The following GNA12 variants were observed in gnomAD, a reference collection of about 807,000 sequenced individuals.
The protein encoded by GNA12 is guanine nucleotide-binding protein subunit alpha-12.
A neutral mutation model predicts 26.0 loss-of-function variants in GNA12; 9 were observed. The observed-to-expected ratio is 0.35, with a 90% confidence interval of 0.21 to 0.60. GNA12 has a LOEUF of 0.60. GNA12 is among the 20% of genes least tolerant of loss of function. The pLI is 0.78. For missense variants in GNA12, 405 were observed against 525.8 expected (o/e 0.77, Z 2.25); for synonymous variants, 264 against 219.6 (o/e 1.20, Z -1.79).
chr7:2,819,137 C>T (rs932127121), intron 1 of GNA12, among the ~76,000 whole-genome samples: 7 of 152,212 alleles, frequency 4.6e-5, no homozygotes, highest in East Asian at 1.9e-4. Flanking sequence ...GTGAGCCGCT[C>T]GCTGCTGGTT....
chr7:2,824,343 C>G (rs1308794082), intron 1 of GNA12, among the ~76,000 whole-genome samples: 1 of 152,220 alleles, frequency 6.6e-6, no homozygotes, highest in Non-Finnish European at 1.5e-5. Context: ...GCACCCGCCT[C>G]TGCCCATCCA....
At chr7:2,788,294 C>T (rs550019356) in intron 2 of GNA12, among the ~76,000 whole-genome samples, 1 of 152,346 alleles carries the variant, frequency 6.6e-6, no homozygotes. Flanking sequence ...TGTGAGTCCA[C>T]GCCGCACAGC....
chr7:2,824,543 G>A (rs1444630147), intron 1 of GNA12, among the ~76,000 whole-genome samples: 1 of 152,186 alleles, frequency 6.6e-6, no homozygotes, highest in African/African-American at 2.4e-5. Context: ...AGACGTGCCT[G>A]TTTACCCTGT....
chr7:2,736,372 C>G (rs377492660), intron 2 of GNA12, among the ~76,000 whole-genome samples: 1 of 152,094 alleles, frequency 6.6e-6, no homozygotes, highest in African/African-American at 2.4e-5. Flanking sequence ...CTTGGACTTG[C>G]GGATTAAATG....
In GNA12 at chr7:2,733,404, T is replaced by G. The variant is rs528925505; in HGVS notation, c.576+47A>C. On this transcript the variant is annotated intron_variant, in intron 3 of 3. Transcript: ENST00000275364. ...GGACTGCTTTGGTCTCTGGACACGT[T>G]TTCTAACCCTGGAGCCCAGCTTCTT... The G allele has an allele frequency of 1.7e-5, 24 of 1,445,060 alleles. No homozygotes were observed. The South Asian group carries it at 2.7e-4, about 16-fold the overall frequency. 89.5% of individuals were successfully genotyped at this position (1,445,060 alleles called of 1,614,324 possible).
At chr7:2,749,900 C>A (rs890582423) in intron 2 of GNA12, among the ~76,000 whole-genome samples, 1 of 152,116 alleles carries the variant, frequency 6.6e-6, no homozygotes, top group African/African-American at 2.4e-5. Context: ...GAGGTGCAGG[C>A]ATCTTTGGGG....
chr7:2,833,057 G>A (rs1045980588), intron 1 of GNA12, among the ~76,000 whole-genome samples: 2 of 152,170 alleles, frequency 1.3e-5, no homozygotes, highest in African/African-American at 4.8e-5. Flanking sequence ...CCCATCACAC[G>A]GTCAGCAACA....
intron 2 of GNA12, among the ~76,000 whole-genome samples, chr7:2,771,065 T>C (rs1407567625): frequency 6.6e-6 from 1 of 151,976 alleles, no homozygotes; most frequent in Non-Finnish European, 1.5e-5. Flanking sequence ...CTGAGGTGGG[T>C]GGATCACTTG....
intron 1 of GNA12, among the ~76,000 whole-genome samples, chr7:2,805,356 T>A (rs529547871): frequency 1.3e-5 from 2 of 152,352 alleles, no homozygotes; most frequent in South Asian, 4.1e-4. Flanking sequence ...AAGCGGAAGC[T>A]CAAAATCACA....
rs189088421 is a variant in GNA12 at position 2,791,726 on chromosome 7, A to G, written c.525+3202T>C. Among the ~76,000 whole-genome samples, 7 of 148,102 alleles carry G rather than the reference A, an allele frequency of 4.7e-5. No homozygotes were observed. In the East Asian group the frequency reaches 1.4e-3, roughly 30 times the overall value. ...TGGAAGAGAAACAAGGGTCTACTGC[A>G]GGGGTGGGGGAGGGAGCCCTGGTAA... On this transcript the variant is annotated intron_variant, in intron 2 of 3. Coordinates refer to ENST00000275364, the MANE Select transcript of GNA12 (RefSeq NM_007353.3).
At chr7:2,820,401 C>CTTTTTTTTTTTTTTTTTTT (rs35674433) in intron 1 of GNA12, among the ~76,000 whole-genome samples, 1 of 126,368 alleles carries the variant, frequency 7.9e-6, no homozygotes, top group African/African-American at 3.0e-5. Flanking sequence ...CTCAATAAAG[C>CTTTTTTTTTTTTTTTTTTT]TTTTTTTTTT....
intron 2 of GNA12, among the ~76,000 whole-genome samples, chr7:2,789,010 G>A (rs925515156): frequency 7.2e-5 from 11 of 151,970 alleles, no homozygotes; most frequent in Non-Finnish European, 1.5e-4. Flanking sequence ...TAGTAGAGGC[G>A]GGGTTTTGCC....
intron 2 of GNA12, among the ~76,000 whole-genome samples, chr7:2,778,785 T>C (rs927510348): frequency 3.9e-5 from 6 of 152,204 alleles, no homozygotes; most frequent in African/African-American, 1.4e-4. Context: ...GAAGCTTCAA[T>C]AATATGTAGC....
chr7:2,762,698 T>TGGAG (rs1358415206), intron 2 of GNA12: 3 of 1,573,628 alleles, frequency 1.9e-6, no homozygotes, highest in Middle Eastern at 1.7e-4. Flanking sequence ...GCTGCCCGGG[T>TGGAG]GGAGGAGCGC....
At chr7:2,773,680 C>A (rs561408726) in intron 2 of GNA12, among the ~76,000 whole-genome samples, 1 of 152,338 alleles carries the variant, frequency 6.6e-6, no homozygotes, top group South Asian at 2.1e-4. Context: ...TTGGCCTCTG[C>A]TGGTAGAGCA....
intron 2 of GNA12, chr7:2,763,073 T>G: frequency 1.6e-6 from 2 of 1,248,238 alleles, no homozygotes; most frequent in East Asian, 3.1e-5. Flanking sequence ...CGGGGCTCCC[T>G]ACCAGCCTTG....
At chr7:2,796,040 T>G (rs772767191) in intron 1 of GNA12, among the ~76,000 whole-genome samples, 1 of 152,000 alleles carries the variant, frequency 6.6e-6, no homozygotes, top group Non-Finnish European at 1.5e-5. Context: ...AATTTTTGTA[T>G]TTTTAGTAGA....
chr7:2,737,267 TTGTTTTGTTTTTTTTTTTTTTG>T lies in GNA12; in HGVS notation c.526-3788_526-3767del, dbSNP rs1394403219. On this transcript the variant is annotated intron_variant, in intron 2 of 3. Coordinates refer to ENST00000275364, the MANE Select transcript of GNA12 (RefSeq NM_007353.3). ...CCCATTCAGGAGCTATCTCACAGTT[TTGTTTTGTTTTTTTTTTTTTTG>T]TTTTTTTTTTTTTTTTTGAGATGGA... 4.7e-4 allele frequency among the ~76,000 whole-genome samples: 31 copies of T among 66,056 alleles called. 1 individual carries two copies. The South Asian group carries it at 6.2e-3, about 13-fold the overall frequency. 43.3% of individuals were successfully genotyped at this position (66,056 alleles called of 152,430 possible).
Position 2,813,955 on chromosome 7 carries a change from C to T in GNA12, c.310-18812G>A, listed in dbSNP as rs144263411. On this transcript the variant is annotated intron_variant, in intron 1 of 3. Transcript: ENST00000275364. ...CTGGGCACCTTCCAATCCCTCAAGA[C>T]CCTGAATAGATCAGACGGCAGAGGG... Among the ~76,000 whole-genome samples, 13 of 152,248 alleles carry T rather than the reference C, an allele frequency of 8.5e-5. No homozygotes were observed. In the East Asian group the frequency reaches 1.9e-3, roughly 23 times the overall value.
Sources: allele counts gnomAD v4.1 joint callset (sites outside exome capture counted in the v4.1 genomes callset), GRCh38; gene constraint gnomAD v4.1.1; transcripts MANE v1.5; gene names NCBI Gene and HGNC (gene_info 2026-07-23, HGNC 2026-07-21).